Variants in STAG2 observed in about 807,000 individuals in gnomAD.
STAG2 encodes cohesin subunit SA-2.
In STAG2, 14 loss-of-function variants were observed where a neutral mutation model predicts 108.1. The ratio of observed to expected loss-of-function variants is 0.13; its 90% CI spans 0.09 to 0.20. The LOEUF (loss-of-function observed/expected upper bound fraction) is 0.20. Ranked by LOEUF, STAG2 falls within the 10% of genes least tolerant of loss-of-function variation. STAG2 has a pLI of 1.00. For synonymous variants in STAG2, 307 were observed against 302.7 expected, an observed-to-expected ratio of 1.01 and a Z score of -0.15; for missense variants, 440 against 940.9, an observed-to-expected ratio of 0.47 and a Z score of 6.96.
At chrX:124,010,566 A>G (rs1019633218) in intron 1 of STAG2, among the ~76,000 whole-genome samples, 8 of 111,312 alleles carry the variant, frequency 7.2e-5, no homozygotes, top group African/African-American at 2.6e-4. Flanking sequence ...AGTACCTCAC[A>G]GTTTTGATTA....
In STAG2 at chrX:124,057,937, A is replaced by G. The variant is rs2058255908; in HGVS notation, c.1376A>G (p.Asn459Ser). Residue 459 changes from asparagine to serine, a missense_variant, in exon 15 of 35, where the codon AAC becomes AGC. Coordinates refer to ENST00000371145, the MANE Select transcript of STAG2 (RefSeq NM_001042750.2). Reference protein sequence around the residue: ...KRRGRQGPNANLVKTLVFFFL... With the variant: ...KRRGRQGPNASLVKTLVFFFL... Reference sequence around the variant, plus strand: ...AGAGGAAGACAAGGTCCAAATGCCAACCTTGTTAAGACATTGGTTTTTTTC... The same window carrying G: ...AGAGGAAGACAAGGTCCAAATGCCAGCCTTGTTAAGACATTGGTTTTTTTC... 1 of 1,197,111 alleles carries G rather than the reference A, an allele frequency of 8.4e-7. No individual in the cohort carries two copies. Among genetic ancestry groups the G allele is most frequent in the Non-Finnish European group, 1.1e-6 (1 of 887,800 alleles).
At chrX:123,963,563 G>GT (rs759279440) in intron 1 of STAG2, among the ~76,000 whole-genome samples, 3 of 109,892 alleles carry the variant, frequency 2.7e-5, no homozygotes, top group African/African-American at 9.9e-5. Context: ...GTGTTCAGCA[G>GT]TTTTTCAAGT....
intron 13 of STAG2, among the ~76,000 whole-genome samples, chrX:124,052,815 C>CTT (rs746658587): frequency 2.1e-4 from 20 of 97,552 alleles, no homozygotes; most frequent in South Asian, 4.5e-4. Flanking sequence ...TTTCCAATTT[C>CTT]TTTTTTTTTT....
At chrX:124,074,375 A>C (rs1322195100) in intron 25 of STAG2, among the ~76,000 whole-genome samples, 1 of 112,799 alleles carries the variant, frequency 8.9e-6, no homozygotes, top group African/African-American at 3.2e-5. Context: ...TTTTTCCTCA[A>C]TTAAAATAGC....
At chrX:124,041,814 C>T (rs2057730463) in intron 6 of STAG2, among the ~76,000 whole-genome samples, 1 of 111,262 alleles carries the variant, frequency 9.0e-6, no homozygotes, top group Admixed American at 9.6e-5. Flanking sequence ...CTCTCCCATC[C>T]TCCTGTGTAA....
At position 124,101,023 on chromosome X, in the gene STAG2, A is replaced by G. The variant is rs1014895227; in HGVS notation, c.*426A>G. ...TTACATCCAGAAAACAATGTTAAGGATGTATTTATTCCCCTACCCTGAAGA... is the reference window on the plus strand; with the variant it reads ...TTACATCCAGAAAACAATGTTAAGGGTGTATTTATTCCCCTACCCTGAAGA... On this transcript the variant is annotated 3_prime_UTR_variant, in exon 35 of 35. Coordinates refer to ENST00000371145, the MANE Select transcript of STAG2 (RefSeq NM_001042750.2). 12 of 157,560 alleles carry G rather than the reference A, an allele frequency of 7.6e-5. No individual in the cohort carries two copies. Among genetic ancestry groups the G allele is most frequent in the Non-Finnish European group, 6.1e-5 (5 of 81,539 alleles). 13.0% of individuals were successfully genotyped at this position (157,560 alleles called of 1,213,427 possible).
chrX:124,008,913 A>G (rs2056402707), intron 1 of STAG2, among the ~76,000 whole-genome samples: 1 of 110,732 alleles, frequency 9.0e-6, no homozygotes, highest in African/African-American at 3.3e-5. Context: ...GAGTTTTCTA[A>G]TTGAGAAGTT....
In STAG2 at chrX:124,035,980, G is replaced by A. The variant is rs769109552; in HGVS notation, c.289-1547G>A. 2.9e-4 allele frequency among the ~76,000 whole-genome samples: 32 copies of A among 112,269 alleles called. No individual in the cohort carries two copies. In the South Asian group the frequency reaches 5.5e-3, roughly 19 times the overall value. Reference sequence around the variant, plus strand: ...GGGGCCATGTTTTAAAACTGTCACAGTCTCTATGATATATTCTTTTGCTGT... The same window carrying A: ...GGGGCCATGTTTTAAAACTGTCACAATCTCTATGATATATTCTTTTGCTGT... On this transcript the variant is annotated intron_variant, in intron 5 of 34. Coordinates refer to ENST00000371145, the MANE Select transcript of STAG2 (RefSeq NM_001042750.2).
intron 1 of STAG2, among the ~76,000 whole-genome samples, chrX:123,966,467 A>T (rs190428629): frequency 8.0e-4 from 89 of 110,740 alleles, no homozygotes; most frequent in Non-Finnish European, 1.2e-3. Flanking sequence ...TTAAAAAAAA[A>T]AAAAGTTCTT....
At chrX:124,003,168 A>G (rs889892721) in intron 1 of STAG2, among the ~76,000 whole-genome samples, 1 of 106,176 alleles carries the variant, frequency 9.4e-6, no homozygotes, top group African/African-American at 3.5e-5. Context: ...GGGTTTCACC[A>G]TGTTGACCAG....
chrX:123,982,767 T>C (rs1379648135), intron 1 of STAG2, among the ~76,000 whole-genome samples: 18 of 807 alleles, frequency 0.022, no homozygotes, highest in Admixed American at 0.21. Flanking sequence ...TTTTTGCCCT[T>C]TTTTTTTTTT....
chrX:123,967,050 A>AT (rs1385400288), intron 1 of STAG2, among the ~76,000 whole-genome samples: 2 of 108,685 alleles, frequency 1.8e-5, no homozygotes, highest in African/African-American at 3.4e-5. Context: ...CGCCCAGCTA[A>AT]TTTTTTGTGT....
intron 1 of STAG2, among the ~76,000 whole-genome samples, chrX:123,995,725 G>A (rs1243562202): frequency 9.0e-6 from 1 of 111,477 alleles, no homozygotes; most frequent in East Asian, 2.8e-4. Context: ...AGCTTGTTAA[G>A]AAAATGCAAG....
chrX:123,993,726 A>G (rs1393302209), intron 1 of STAG2, among the ~76,000 whole-genome samples: 3 of 111,544 alleles, frequency 2.7e-5, no homozygotes, highest in Non-Finnish European at 5.6e-5. Flanking sequence ...ATTCACCTAT[A>G]TTAGGGGATT....
Position 124,083,520 on chromosome X carries a change from T to C in STAG2, c.3024T>C (p.Ser1008=), listed in dbSNP as rs368960276. Residue 1008 remains serine (S), a synonymous_variant, in exon 29 of 35, where the codon TCT becomes TCC. Transcript: ENST00000371145. ...AFLDILSEFS[S]KLLRQDKRTV... is the part of the protein sequence containing the mutation. Reference sequence around the variant, plus strand: ...TTGATATTCTGAGTGAATTTTCTTCTAAACTACTTCGACAAGACAAAAGAA... The same window carrying C: ...TTGATATTCTGAGTGAATTTTCTTCCAAACTACTTCGACAAGACAAAAGAA... 2 of 1,195,630 alleles carry C rather than the reference T, an allele frequency of 1.7e-6. No individual in the cohort carries two copies. Among genetic ancestry groups the C allele is most frequent in the African/African-American group, 1.7e-5 (1 of 57,464 alleles).
intron 6 of STAG2, among the ~76,000 whole-genome samples, chrX:124,038,002 C>T (rs2057570395): frequency 9.0e-6 from 1 of 111,298 alleles, no homozygotes; most frequent in Admixed American, 9.6e-5. Flanking sequence ...TAAAAAGTGC[C>T]ATGAATAACA....
chrX:123,961,094 GCCCCCGCGGCGC>G (rs1357318990), upstream of STAG2: 1 of 108,791 alleles, frequency 9.2e-6, no homozygotes, highest in Non-Finnish European at 1.9e-5. Flanking sequence ...GATCTTTCTC[GCCCCCGCGGCGC>G]CCCCCGCCCT....
chrX:124,062,944 A>G lies in STAG2; in HGVS notation c.1681A>G (p.Thr561Ala). ...GAAGAAGACACAGTTGGATGATAGG[A>G]CAAAAATCACTGAGCTTTTTGCCGT... is the stretch of plus-strand genomic sequence containing the variant. ...KEKKTQLDDR[T>A]KITELFAVAL... is the part of the protein sequence containing the mutation. Residue 561 changes from threonine (T) to alanine (A), a missense_variant, in exon 18 of 35, where the codon ACA becomes GCA. Coordinates refer to ENST00000371145, the MANE Select transcript of STAG2 (RefSeq NM_001042750.2). 2.5e-6 allele frequency: 3 copies of G among 1,211,794 alleles called. No homozygotes were observed. The South Asian group carries it at 5.3e-5, about 21-fold the overall frequency.
At chrX:123,967,422 C>T (rs1427115734) in intron 1 of STAG2, among the ~76,000 whole-genome samples, 1 of 109,169 alleles carries the variant, frequency 9.2e-6, no homozygotes, top group Non-Finnish European at 1.9e-5. Context: ...TGTGCCACCA[C>T]ACCGGGCTAA....
Sources: allele counts gnomAD v4.1 joint callset (sites outside exome capture counted in the v4.1 genomes callset), GRCh38; gene constraint gnomAD v4.1.1; transcripts MANE v1.5; gene names NCBI Gene and HGNC (gene_info 2026-07-23, HGNC 2026-07-21).